The following TMEM178B variants were observed in gnomAD, a reference collection of about 807,000 sequenced individuals.
TMEM178B encodes transmembrane protein 178B.
TMEM178B carries 5 observed loss-of-function variants against 31.0 expected under a neutral mutation model. The observed-to-expected ratio is 0.16, with a 90% confidence interval of 0.08 to 0.34. The LOEUF is 0.34. Among genes scored for constraint, TMEM178B ranks in the 10% least tolerant of loss-of-function variants. The probability of loss-of-function intolerance (pLI) is 1.00; values close to 1 mark genes in which losing one functional copy is unlikely to be tolerated. For missense variants in TMEM178B, 275 were observed against 400.3 expected (o/e 0.69, Z 2.67); for synonymous variants, 164 against 164.0 (o/e 1.00, Z 0.00).
intron 1 of TMEM178B, among the ~76,000 whole-genome samples, chr7:141,115,013 G>A (rs116552008): frequency 1.9e-4 from 29 of 151,960 alleles, no homozygotes; most frequent in Non-Finnish European, 4.1e-4. Flanking sequence ...ATCCCAAGAA[G>A]GTCAGTTAGG....
chr7:141,442,853 A>G (rs957448665), intron 3 of TMEM178B, among the ~76,000 whole-genome samples: 1 of 152,238 alleles, frequency 6.6e-6, no homozygotes, highest in African/African-American at 2.4e-5. Flanking sequence ...AACAACAAAC[A>G]TTATTTCATA....
intron 1 of TMEM178B, among the ~76,000 whole-genome samples, chr7:141,088,405 C>G (rs1280350369): frequency 6.6e-6 from 1 of 152,114 alleles, no homozygotes; most frequent in Non-Finnish European, 1.5e-5. Context: ...GTGTGTAGCT[C>G]TATTCTTATT....
Position 141,278,765 on chromosome 7 carries a change from G to C in TMEM178B, c.496+66061G>C, listed in dbSNP as rs368756333. ...CGCTGTGGAACGTATTAGGGATTTA[G>C]ATGGGAGTTTACTGAGGTCCGTCTA... On this transcript the variant is annotated intron_variant, in intron 2 of 3. Transcript: ENST00000565468. Among the ~76,000 whole-genome samples, 20 of 152,224 alleles carry C rather than the reference G, an allele frequency of 1.3e-4. No individual in the cohort carries two copies. The South Asian group carries it at 3.9e-3, about 30-fold the overall frequency.
intron 1 of TMEM178B, among the ~76,000 whole-genome samples, chr7:141,111,695 A>G (rs1354385950): frequency 1.3e-5 from 2 of 152,148 alleles, no homozygotes; most frequent in Non-Finnish European, 2.9e-5. Flanking sequence ...TTAATTCTGG[A>G]TGAAGAAATA....
chr7:141,225,800 C>T (rs568745058), intron 2 of TMEM178B, among the ~76,000 whole-genome samples: 4 of 152,218 alleles, frequency 2.6e-5, no homozygotes, highest in African/African-American at 9.6e-5. Context: ...GATACAAGAT[C>T]GATGTTTGCC....
chr7:141,345,845 T>C (rs1243364978), intron 2 of TMEM178B, among the ~76,000 whole-genome samples: 1 of 152,236 alleles, frequency 6.6e-6, no homozygotes, highest in Admixed American at 6.5e-5. Context: ...GTTAACTAAA[T>C]GAGACCTGCA....
chr7:141,216,678 TTTCGCC>T (rs975370244), intron 2 of TMEM178B, among the ~76,000 whole-genome samples: 1 of 152,060 alleles, frequency 6.6e-6, no homozygotes, highest in African/African-American at 2.4e-5. Context: ...TGTGGGTGCC[TTTCGCC>T]TTCTCACCCT....
At chr7:141,407,654 A>G (rs1204980298) in intron 2 of TMEM178B, among the ~76,000 whole-genome samples, 1 of 152,210 alleles carries the variant, frequency 6.6e-6, no homozygotes, top group Non-Finnish European at 1.5e-5. Context: ...TAGATGAGGA[A>G]ACTGTGGTCC....
At chr7:141,261,788 T>G (rs898091682) in intron 2 of TMEM178B, among the ~76,000 whole-genome samples, 13 of 152,142 alleles carry the variant, frequency 8.5e-5, no homozygotes, top group Admixed American at 6.5e-4. Flanking sequence ...CTCTGTCTGT[T>G]GCAGCTGCCT....
intron 2 of TMEM178B, among the ~76,000 whole-genome samples, chr7:141,270,025 A>G (rs533355302): frequency 1.3e-5 from 2 of 152,316 alleles, no homozygotes; most frequent in East Asian, 3.9e-4. Flanking sequence ...AGATTATGCC[A>G]CTGCACTCCA....
At chr7:141,179,393 A>T (rs1796481622) in intron 1 of TMEM178B, among the ~76,000 whole-genome samples, 1 of 152,180 alleles carries the variant, frequency 6.6e-6, no homozygotes, top group African/African-American at 2.4e-5. Flanking sequence ...TGGTAAGTTA[A>T]TTTTTTTCTT....
chr7:141,426,982 C>T (rs1412849999), intron 2 of TMEM178B, among the ~76,000 whole-genome samples: 1 of 152,026 alleles, frequency 6.6e-6, no homozygotes, highest in Non-Finnish European at 1.5e-5. Context: ...AAAATTTAAA[C>T]ACTTAGGAGT....
chr7:141,086,466 G>C (rs1794789725), intron 1 of TMEM178B, among the ~76,000 whole-genome samples: 2 of 152,180 alleles, frequency 1.3e-5, no homozygotes, highest in Non-Finnish European at 2.9e-5. Flanking sequence ...CTTTGAGTAA[G>C]AAAGGTAGGG....
intron 2 of TMEM178B, among the ~76,000 whole-genome samples, chr7:141,261,705 G>A (rs111931805): frequency 0.018 from 2,699 of 152,184 alleles, 80 homozygotes; most frequent in African/African-American, 0.062. Context: ...ACAACTTCAG[G>A]AAGTAGCACA....
chr7:141,279,638 G>T (rs182633677), intron 2 of TMEM178B, among the ~76,000 whole-genome samples: 1 of 152,332 alleles, frequency 6.6e-6, no homozygotes, highest in Non-Finnish European at 1.5e-5. Flanking sequence ...GGACTCAGAG[G>T]CGTGCACTCC....
At chr7:141,114,644 G>T (rs1357988926) in intron 1 of TMEM178B, among the ~76,000 whole-genome samples, 1 of 152,220 alleles carries the variant, frequency 6.6e-6, no homozygotes, top group Non-Finnish European at 1.5e-5. Context: ...TCTCCATGGG[G>T]CTGAGCTCAT....
At chr7:141,192,486 C>T (rs1025624405) in intron 1 of TMEM178B, among the ~76,000 whole-genome samples, 10 of 109,238 alleles carry the variant, frequency 9.2e-5, no homozygotes, top group African/African-American at 2.4e-4. Flanking sequence ...CTCCATGCAG[C>T]GGTCTTTTTT....
chr7:141,450,050 A>C (rs1801836013), intron 3 of TMEM178B, among the ~76,000 whole-genome samples: 1 of 152,170 alleles, frequency 6.6e-6, no homozygotes, highest in African/African-American at 2.4e-5. Context: ...CCATGTCTGA[A>C]ATAATTGGGG....
intron 2 of TMEM178B, among the ~76,000 whole-genome samples, chr7:141,274,045 C>T (rs550874935): frequency 6.6e-6 from 1 of 152,344 alleles, no homozygotes; most frequent in South Asian, 2.1e-4. Context: ...ACTTAGAACA[C>T]TTTCCCCAGA....
Sources: gnomAD v4.1 joint callset for allele counts (sites outside exome capture counted in the v4.1 genomes callset) on GRCh38, gnomAD v4.1.1 for gene constraint, MANE v1.5 for transcripts, NCBI Gene and HGNC (gene_info 2026-07-23, HGNC 2026-07-21) for gene names.